RTL1: variants seen among roughly 807,000 people sequenced by gnomAD.
The protein encoded by RTL1 is retrotransposon Gag like 1, also known as retrotransposon-like protein 1.
For missense variants in RTL1, 1,681 were observed against 1,767.5 expected (o/e 0.95, Z 0.88); for synonymous variants, 727 against 748.4 (o/e 0.97, Z 0.47).
intron 2 of RTL1, among the ~76,000 whole-genome samples, chr14:100,895,249 CAG>C (rs1177526929): frequency 6.6e-6 from 1 of 152,108 alleles, no homozygotes; most frequent in Non-Finnish European, 1.5e-5. Context: ...GGATGGGGCT[CAG>C]GGGTCTACCT....
Position 100,883,077 on chromosome 14 carries a change from G to A in RTL1, c.1712C>T (p.Ala571Val), listed in dbSNP as rs754777704. Residue 571 changes from alanine to valine, a missense_variant, in exon 4 of 4, where the codon GCA (alanine) becomes GTA (valine). Physicochemically the swap from Ala to Val is moderately conservative, Grantham distance 64. Transcript: ENST00000649591. This position sits in a 1 kb window ranked among gnomAD's most constrained non-coding sequence, Gnocchi z 5.9. ...DLADVFNPKE[A>V]DDETSDQPSS... ...TGGCTGGTCGGAAGTCTCATCATCT[G>A]CTTCCTTCGGGTTAAACACGTCGGC... The A allele has an allele frequency of 2.4e-5, 38 of 1,613,950 alleles. No individual in the cohort carries two copies. In the South Asian group the frequency reaches 4.2e-4, roughly 18 times the overall value.
Position 100,883,539 on chromosome 14 carries a change from A to G in RTL1, c.1250T>C (p.Val417Ala), listed in dbSNP as rs1320969043. ...AHLFLLLMVR[V>A]NPYHSVAVQA... ...GACCGCGACGCTGTGGTAGGGGTTCACTCTCACCATGAGCAGCAGGAAGAG... is the reference window on the plus strand; with the variant it reads ...GACCGCGACGCTGTGGTAGGGGTTCGCTCTCACCATGAGCAGCAGGAAGAG... The change falls in exon 4 of 4, where the codon GTG becomes GCG. Residue 417 changes from valine (V) to alanine (A), a missense_variant. Physicochemically the swap from Val to Ala is moderately conservative, Grantham distance 64. Coordinates refer to ENST00000649591, the MANE Select transcript of RTL1 (RefSeq NM_001134888.3). This position sits in a 1 kb window ranked among gnomAD's most constrained non-coding sequence, Gnocchi z 5.9. 1.3e-6 allele frequency: 2 copies of G among 1,551,388 alleles called. No homozygotes were observed. The highest frequency in any genetic ancestry group is 4.9e-5 in the East Asian group (2 of 40,884).
intron 3 of RTL1, among the ~76,000 whole-genome samples, chr14:100,889,153 A>T (rs886922710): frequency 2.0e-4 from 30 of 152,246 alleles, no homozygotes; most frequent in African/African-American, 6.8e-4. Flanking sequence ...GTCATCCCTC[A>T]AAACAAAGTC....
At chr14:100,885,529 T>G (rs921090285) in intron 3 of RTL1, among the ~76,000 whole-genome samples, 2 of 151,940 alleles carry the variant, frequency 1.3e-5, no homozygotes, top group African/African-American at 4.8e-5. Context: ...CTGGGTTTTT[T>G]TTTTTTTTTT....
chr14:100,897,651 C>T (rs967160577), intron 2 of RTL1: 5 of 164,174 alleles, frequency 3.0e-5, no homozygotes, highest in African/African-American at 9.6e-5. Context: ...AACACTATTC[C>T]TTATAACAAC....
intron 2 of RTL1, chr14:100,897,755 GGGGGGGGTGGGGGGGTGGGGGGC>G (rs2038883559): frequency 7.5e-6 from 1 of 132,642 alleles, no homozygotes; most frequent in South Asian, 1.2e-4. Context: ...GGTTGGCGGG[GGGGGGGGTGGGGGGGTGGGGGGC>G]GGGGGGGGGC....
intron 3 of RTL1, among the ~76,000 whole-genome samples, chr14:100,891,179 C>G (rs571945428): frequency 6.6e-6 from 1 of 152,078 alleles, no homozygotes; most frequent in Non-Finnish European, 1.5e-5. Flanking sequence ...GGAGTCCCTC[C>G]CCCCGGGACC....
At position 100,879,971 on chromosome 14, in the gene RTL1, G is replaced by A. The variant is rs2038583494; in HGVS notation, c.*741C>T. On this transcript the variant is annotated 3_prime_UTR_variant, in exon 4 of 4. Coordinates refer to ENST00000649591, the MANE Select transcript of RTL1 (RefSeq NM_001134888.3). ...CTGTCCAGTGTTCAGTGTTGGGAGG[G>A]AAAGGCGCCCCAAGGCATGCAGGGG... Among the ~76,000 whole-genome samples, 1 of 151,982 alleles carries A rather than the reference G, an allele frequency of 6.6e-6. No homozygotes were observed. Among genetic ancestry groups the A allele is most frequent in the South Asian group, 2.1e-4 (1 of 4,812 alleles).
Position 100,882,676 on chromosome 14 carries a change from G to A in RTL1, c.2113C>T (p.Leu705Phe). The A allele has an allele frequency of 6.4e-7, 1 of 1,551,996 alleles. No homozygotes were observed. The highest frequency in any genetic ancestry group is 8.7e-7 in the Non-Finnish European group (1 of 1,147,090). The change falls in exon 4 of 4, where the codon CTC (leucine) becomes TTC (phenylalanine). Residue 705 changes from leucine to phenylalanine, a missense_variant. Physicochemically the swap from Leu to Phe is conservative, Grantham distance 22. Transcript: ENST00000649591. ...EEMKSYQPFA[L>F]SPDPIIPQNV... The stretch of plus-strand genomic sequence containing the variant: ...TGAGGTATGATAGGGTCTGGGGAGA[G>A]CGCAAACGGCTGGTAGCTCTTCATC...
In RTL1 at chr14:100,882,033, T is replaced by C. The variant is rs2140034640; in HGVS notation, c.2756A>G (p.Gln919Arg). The C allele has an allele frequency of 6.2e-7, 1 of 1,613,704 alleles. No homozygotes were observed. The highest frequency in any genetic ancestry group is 2.2e-5 in the East Asian group (1 of 44,872). Reference sequence around the variant, plus strand: ...TATTGGAAGAATCTTCATCTCCGCTTGAGAGTACTCAACCTCGATAGGGGA... The same window carrying C: ...TATTGGAAGAATCTTCATCTCCGCTCGAGAGTACTCAACCTCGATAGGGGA... ...NISPIEVEYSQAEMKILPIRA... is the reference protein window; with the variant it reads ...NISPIEVEYSRAEMKILPIRA... The change falls in exon 4 of 4, where the codon CAA (glutamine) becomes CGA (arginine). Residue 919 changes from glutamine (Q) to arginine (R), a missense_variant. Transcript: ENST00000649591.
intron 3 of RTL1, among the ~76,000 whole-genome samples, chr14:100,889,907 C>T (rs1027645000): frequency 6.6e-6 from 1 of 152,286 alleles, no homozygotes; most frequent in East Asian, 1.9e-4. Context: ...CATCTGGCTT[C>T]ACCTGCCTAC....
In RTL1 at chr14:100,883,859, G is replaced by T; in HGVS notation, c.930C>A (p.Ser310Arg). Residue 310 changes from serine to arginine, a missense_variant, in exon 4 of 4, where the codon AGC becomes AGA. Transcript: ENST00000649591. The surrounding 1 kb of genome is among the most constrained non-coding windows in gnomAD (Gnocchi z 5.9). ...SATEYIDEFQ[S>R]LVPILGWPDE... ...CTGGCCAGCCCAAGATGGGTACCAG[G>T]CTCTGGAACTCATCGATGTACTCAG... The T allele has an allele frequency of 1.3e-6, 2 of 1,551,604 alleles. No homozygotes were observed. The highest frequency in any genetic ancestry group is 1.7e-6 in the Non-Finnish European group (2 of 1,146,994).
intron 2 of RTL1, among the ~76,000 whole-genome samples, chr14:100,900,514 A>G (rs2038927304): frequency 6.6e-6 from 1 of 152,196 alleles, no homozygotes; most frequent in South Asian, 2.1e-4. Flanking sequence ...GGTCTCTGCA[A>G]TTTAACCCTG....
intron 3 of RTL1, among the ~76,000 whole-genome samples, chr14:100,890,782 G>A (rs556895510): frequency 3.4e-4 from 52 of 152,266 alleles, no homozygotes; most frequent in Middle Eastern, 6.8e-3. Flanking sequence ...GAGGGAAGTG[G>A]CCTCAAAATG....
At position 100,883,302 on chromosome 14, in the gene RTL1, G is replaced by A; in HGVS notation, c.1487C>T (p.Pro496Leu). 6.4e-7 allele frequency: 1 copy of A among 1,551,322 alleles called. No homozygotes were observed. Among genetic ancestry groups the A allele is most frequent in the Non-Finnish European group, 8.7e-7 (1 of 1,146,794 alleles). The stretch of plus-strand genomic sequence containing the variant: ...TAGGACCACAGAGAAGTTCGGTGAA[G>A]GTACGATGTCAAATTCGATGGACTC... ...HQESIEFDIV[P>L]SPNFSVVLGI... Residue 496 changes from proline (P) to leucine (L), a missense_variant, in exon 4 of 4, where the codon CCT (proline) becomes CTT (leucine). Coordinates refer to ENST00000649591, the MANE Select transcript of RTL1 (RefSeq NM_001134888.3). This position sits in a 1 kb window ranked among gnomAD's most constrained non-coding sequence, Gnocchi z 5.9.
chr14:100,883,291 A>G lies in RTL1; in HGVS notation c.1498T>C (p.Phe500Leu). The G allele has an allele frequency of 6.4e-7, 1 of 1,551,070 alleles. No homozygotes were observed. Among genetic ancestry groups the G allele is most frequent in the Non-Finnish European group, 8.7e-7 (1 of 1,146,686 alleles). The change falls in exon 4 of 4, where the codon TTC becomes CTC. Residue 500 changes from phenylalanine to leucine, a missense_variant. Phe to Leu is a conservative substitution (Grantham distance 22, BLOSUM62 0). Coordinates refer to ENST00000649591, the MANE Select transcript of RTL1 (RefSeq NM_001134888.3). The surrounding 1 kb of genome is among the most constrained non-coding windows in gnomAD (Gnocchi z 5.9). ...IEFDIVPSPN[F>L]SVVLGIRWLR... is the part of the protein sequence containing the mutation. ...CAGCGGATGCCTAGGACCACAGAGA[A>G]GTTCGGTGAAGGTACGATGTCAAAT...
chr14:100,894,096 G>T (rs992947597), intron 2 of RTL1, among the ~76,000 whole-genome samples: 1 of 152,144 alleles, frequency 6.6e-6, no homozygotes, highest in Non-Finnish European at 1.5e-5. Context: ...GAGCATTTGA[G>T]GTCAGGAGTT....
At chr14:100,887,498 A>G (rs2038710416) in intron 3 of RTL1, among the ~76,000 whole-genome samples, 1 of 152,228 alleles carries the variant, frequency 6.6e-6, no homozygotes, top group South Asian at 2.1e-4. Flanking sequence ...TCACAGCTGT[A>G]ATCCCAGCAC....
chr14:100,895,774 T>C (rs973394558), intron 2 of RTL1, among the ~76,000 whole-genome samples: 5 of 152,150 alleles, frequency 3.3e-5, no homozygotes, highest in African/African-American at 1.2e-4. Context: ...TTATTTACCA[T>C]AAAAATATTT....
Sources: allele counts gnomAD v4.1 joint callset (sites outside exome capture counted in the v4.1 genomes callset), GRCh38; gene constraint gnomAD v4.1.1; non-coding constraint Gnocchi (gnomAD v3.1); transcripts MANE v1.5; gene names NCBI Gene and HGNC (gene_info 2026-07-23, HGNC 2026-07-21).